The following SLC30A2 variants were observed in gnomAD, a reference collection of about 807,000 sequenced individuals.
SLC30A2 encodes proton-coupled zinc antiporter SLC30A2.
A neutral mutation model predicts 39.6 loss-of-function variants in SLC30A2; 19 were observed. That is an observed-to-expected ratio of 0.48 (90% CI 0.34 to 0.70). SLC30A2 has a LOEUF of 0.70. SLC30A2 is among the 30% of genes least tolerant of loss of function. The probability of loss-of-function intolerance (pLI) is 0.01; values close to 1 mark genes in which losing one functional copy is unlikely to be tolerated. For synonymous variants in SLC30A2, 195 were observed against 194.8 expected (o/e 1.00, Z -0.01); for missense variants, 387 against 479.4 (o/e 0.81, Z 1.80).
Position 26,046,017 on chromosome 1 carries a change from C to A in SLC30A2, c.-121G>T. 1 of 1,408,832 alleles carries A rather than the reference C, an allele frequency of 7.1e-7. No homozygotes were observed. Among genetic ancestry groups the A allele is most frequent in the South Asian group, 1.6e-5 (1 of 64,476 alleles). 87.3% of individuals were successfully genotyped at this position (1,408,832 alleles called of 1,614,324 possible). A position where few individuals can be genotyped will look rare whatever the true frequency, so the allele number is the denominator to read the frequency against. On this transcript the variant is annotated 5_prime_UTR_variant, in exon 1 of 8. Coordinates refer to ENST00000374276, the MANE Select transcript of SLC30A2 (RefSeq NM_001004434.3). This position sits in a 1 kb window ranked among gnomAD's most constrained non-coding sequence, Gnocchi z 4.4. ...CCCCGAGGGCCCCGCGAGGTGCGCT[C>A]ACTCCGGCCCGGCTCCTGCGGCCCC...
At position 26,045,910 on chromosome 1, in the gene SLC30A2, G is replaced by A. The variant is rs2050458850; in HGVS notation, c.-14C>T. 1 of 1,609,268 alleles carries A rather than the reference G, an allele frequency of 6.2e-7. No homozygotes were observed. The highest frequency in any genetic ancestry group is 8.5e-7 in the Non-Finnish European group (1 of 1,179,348). On this transcript the variant is annotated 5_prime_UTR_variant, in exon 1 of 8. Coordinates refer to ENST00000374276, the MANE Select transcript of SLC30A2 (RefSeq NM_001004434.3). ...CTTGGCCTCCATGCAGTCCCGCGCCGAGTCCCGGCAGCCGCGCAGCCGCCC... is the reference window on the plus strand; with the variant it reads ...CTTGGCCTCCATGCAGTCCCGCGCCAAGTCCCGGCAGCCGCGCAGCCGCCC...
Position 26,043,906 on chromosome 1 carries a change from C to T in SLC30A2, c.419-355G>A, listed in dbSNP as rs139419728. On this transcript the variant is annotated intron_variant, in intron 3 of 7. Coordinates refer to ENST00000374276, the MANE Select transcript of SLC30A2 (RefSeq NM_001004434.3). Reference sequence around the variant, plus strand: ...ACAAAGAGGAAGGTGACGATGCAGTCCAGGGTGAACGGAAGAGAGGTTAAA... The same window carrying T: ...ACAAAGAGGAAGGTGACGATGCAGTTCAGGGTGAACGGAAGAGAGGTTAAA... Among the ~76,000 whole-genome samples the T allele has an allele frequency of 1.6e-3, 239 of 152,336 alleles. 1 individual carries two copies. Among genetic ancestry groups the T allele is most frequent in the African/African-American group, 4.6e-3 (193 of 41,580 alleles).
Position 26,039,233 on chromosome 1 carries a change from G to T in SLC30A2, c.1046C>A (p.Thr349Asn). The part of the protein sequence containing the change: ...SRLQGKFHFH[T>N]VTIQIEDYSE... Reference sequence around the variant, plus strand: ...GTAGTCCTCGATCTGGATGGTCACGGTGTGGAAGTGGAACTTCCCTTGGAG... The same window carrying T: ...GTAGTCCTCGATCTGGATGGTCACGTTGTGGAAGTGGAACTTCCCTTGGAG... Residue 349 changes from threonine to asparagine, a missense_variant, in exon 8 of 8, where the codon ACC becomes AAC. Transcript: ENST00000374276. The surrounding 1 kb of genome is among the most constrained non-coding windows in gnomAD (Gnocchi z 4.3). 1.9e-6 allele frequency: 3 copies of T among 1,614,150 alleles called. No individual in the cohort carries two copies. The highest frequency in any genetic ancestry group is 2.5e-6 in the Non-Finnish European group (3 of 1,179,992).
In SLC30A2 at chr1:26,045,193, C is replaced by G. The variant is rs765048397; in HGVS notation, c.75G>C (p.Gln25His). The change falls in exon 2 of 8, where the codon CAG (glutamine) becomes CAC (histidine). Residue 25 changes from glutamine to histidine, a missense_variant. Coordinates refer to ENST00000374276, the MANE Select transcript of SLC30A2 (RefSeq NM_001004434.3). ...GCAGAGGAATCCAGCCAGCCCCTTC[C>G]TGCCACAGAGATCCCGTGTATGACC... ...AIRSYTGSLWQEGAGWIPLPR... is the reference protein window; with the variant it reads ...AIRSYTGSLWHEGAGWIPLPR... 8.7e-6 allele frequency: 14 copies of G among 1,612,188 alleles called. No individual in the cohort carries two copies. Among genetic ancestry groups the G allele is most frequent in the South Asian group, 2.2e-5 (2 of 91,018 alleles).
intron 2 of SLC30A2, 93 bp from the exon 3 acceptor site, chr1:26,044,537 A>G (rs2050437169): frequency 3.2e-6 from 4 of 1,251,260 alleles, no homozygotes; most frequent in South Asian, 1.4e-5. Flanking sequence ...GGAAGAGGAC[A>G]TTCTGGGCTC....
In SLC30A2 at chr1:26,039,935, A is replaced by C; in HGVS notation, c.839-24T>G. On this transcript the variant is annotated intron_variant, in intron 6 of 7. Coordinates refer to ENST00000374276, the MANE Select transcript of SLC30A2 (RefSeq NM_001004434.3). This position sits in a 1 kb window ranked among gnomAD's most constrained non-coding sequence, Gnocchi z 4.3. ...CCCTGAGGACGGCAAGGACAGGGGA[A>C]ACTAAAGGAAACTACCCCTCCCACG... The C allele has an allele frequency of 6.2e-7, 1 of 1,613,438 alleles. No individual in the cohort carries two copies. Among genetic ancestry groups the C allele is most frequent in the South Asian group, 1.1e-5 (1 of 91,036 alleles).
At chr1:26,042,509 C>T in intron 5 of SLC30A2, 40 bp downstream of exon 5, 1 of 1,584,346 alleles carries the variant, frequency 6.3e-7, no homozygotes, top group South Asian at 1.1e-5. Flanking sequence ...GTGGTCTACA[C>T]TCCCCTGCCA....
chr1:26,042,826 GC>G, intron 4 of SLC30A2, 118 bp from the exon 5 acceptor site: 1 of 936,424 alleles, frequency 1.1e-6, no homozygotes, highest in Non-Finnish European at 1.6e-6. Context: ...GATCTCTTTG[GC>G]CATGTGAGAA....
chr1:26,042,623 C>T lies in SLC30A2; in HGVS notation c.658G>A (p.Ala220Thr). 6.2e-7 allele frequency: 1 copy of T among 1,614,204 alleles called. No homozygotes were observed. The highest frequency in any genetic ancestry group is 8.5e-7 in the Non-Finnish European group (1 of 1,180,026). Residue 220 changes from alanine (A) to threonine (T), a missense_variant, in exon 5 of 8, where the codon GCC (alanine) becomes ACC (threonine). By Grantham distance (58) the Ala-to-Thr change is moderately conservative. Coordinates refer to ENST00000374276, the MANE Select transcript of SLC30A2 (RefSeq NM_001004434.3). The stretch of plus-strand genomic sequence containing the variant: ...AAGTCGCCGATCACATGGATGAAGG[C>T]AGCTCGGACGCTGGGGTTCTCCTCC... ...QQEENPSVRAAFIHVIGDFMQ... is the reference protein window; with the variant it reads ...QQEENPSVRATFIHVIGDFMQ...
Position 26,042,625 on chromosome 1 carries a change from G to C in SLC30A2, c.656C>G (p.Ala219Gly). The C allele has an allele frequency of 1.9e-6, 3 of 1,614,186 alleles. No individual in the cohort carries two copies. Among genetic ancestry groups the C allele is most frequent in the Non-Finnish European group, 2.5e-6 (3 of 1,180,018 alleles). Residue 219 changes from alanine to glycine, a missense_variant, in exon 5 of 8, where the codon GCT becomes GGT. Physicochemically the swap from Ala to Gly is moderately conservative, Grantham distance 60 (BLOSUM62 0). Coordinates refer to ENST00000374276, the MANE Select transcript of SLC30A2 (RefSeq NM_001004434.3). The stretch of plus-strand genomic sequence containing the variant: ...GTCGCCGATCACATGGATGAAGGCA[G>C]CTCGGACGCTGGGGTTCTCCTCCTG... ...NQQEENPSVR[A>G]AFIHVIGDFM...
chr1:26,045,108 G>A lies in SLC30A2; in HGVS notation c.160C>T (p.His54Tyr), dbSNP rs770139568. 1 of 1,614,158 alleles carries A rather than the reference G, an allele frequency of 6.2e-7. No individual in the cohort carries two copies. Among genetic ancestry groups the A allele is most frequent in the South Asian group, 1.1e-5 (1 of 91,084 alleles). The change falls in exon 2 of 8, where the codon CAT (histidine) becomes TAT (tyrosine). Residue 54 changes from histidine (H) to tyrosine (Y), a missense_variant. Transcript: ENST00000374276. ...ELAAQSNHHCHAQKGPDSHCD... is the reference protein window; with the variant it reads ...ELAAQSNHHCYAQKGPDSHCD... ...TGACTGTCAGGACCCTTCTGAGCATGGCAGTGATGGTTGCTCTGGGCAGCC... is the reference window on the plus strand; with the variant it reads ...TGACTGTCAGGACCCTTCTGAGCATAGCAGTGATGGTTGCTCTGGGCAGCC...
At chr1:26,040,924 C>G (rs986040999) in intron 6 of SLC30A2, among the ~76,000 whole-genome samples, 5 of 151,300 alleles carry the variant, frequency 3.3e-5, no homozygotes, top group South Asian at 2.1e-4. Context: ...AGACCCCCCC[C>G]CCATCTCTAC....
Position 26,039,974 on chromosome 1 carries a change from G to A in SLC30A2, c.839-63C>T. ...ACCCCTCCCACGCCTGCCCATTGGT[G>A]CAGGGCTGGCTCCTGATCCTCAGGT... On this transcript the variant is annotated intron_variant, in intron 6 of 7. Transcript: ENST00000374276. This position sits in a 1 kb window ranked among gnomAD's most constrained non-coding sequence, Gnocchi z 4.3. 6 of 1,588,780 alleles carry A rather than the reference G, an allele frequency of 3.8e-6. No individual in the cohort carries two copies. Among genetic ancestry groups the A allele is most frequent in the South Asian group, 1.1e-5 (1 of 89,862 alleles).
chr1:26,038,540 G>A lies in SLC30A2; in HGVS notation c.*620C>T, dbSNP rs2050363995. ...CTGTGCCAAAGTTGTTTTTTGTGTTGGCACAGCTGAGGAAATAAGGAAAGA... is the reference window on the plus strand; with the variant it reads ...CTGTGCCAAAGTTGTTTTTTGTGTTAGCACAGCTGAGGAAATAAGGAAAGA... On this transcript the variant is annotated 3_prime_UTR_variant, in exon 8 of 8. Transcript: ENST00000374276. The A allele has an allele frequency of 6.6e-6, 1 of 152,220 alleles. No homozygotes were observed. The highest frequency in any genetic ancestry group is 2.4e-5 in the African/African-American group (1 of 41,442). 9.4% of individuals were successfully genotyped at this position (152,220 alleles called of 1,614,324 possible).
Position 26,042,608 on chromosome 1 carries a change from T to C in SLC30A2, c.673A>G (p.Ile225Val). Residue 225 changes from isoleucine (I) to valine (V), a missense_variant, in exon 5 of 8, where the codon ATC becomes GTC. By Grantham distance (29) the Ile-to-Val change is conservative (BLOSUM62 3). Coordinates refer to ENST00000374276, the MANE Select transcript of SLC30A2 (RefSeq NM_001004434.3). ...CCCATGCTCTGCATAAAGTCGCCGA[T>C]CACATGGATGAAGGCAGCTCGGACG... ...PSVRAAFIHV[I>V]GDFMQSMGVL... 6.2e-7 allele frequency: 1 copy of C among 1,614,150 alleles called. No homozygotes were observed. The highest frequency in any genetic ancestry group is 8.5e-7 in the Non-Finnish European group (1 of 1,180,022).
intron 1 of SLC30A2, 106 bp from the exon 2 acceptor site, chr1:26,045,323 C>A (rs552163140): frequency 5.6e-6 from 5 of 892,202 alleles, no homozygotes; most frequent in Admixed American, 2.4e-5. Flanking sequence ...GGAAAAATAG[C>A]TAAGGACGCT....
chr1:26,044,829 G>A (rs996838050), intron 2 of SLC30A2, among the ~76,000 whole-genome samples, 168 bp downstream of exon 2: 8 of 152,198 alleles, frequency 5.3e-5, no homozygotes, highest in Non-Finnish European at 7.3e-5. Flanking sequence ...GGAGAATAAC[G>A]TCACCCATGT....
At chr1:26,045,284 C>T in intron 1 of SLC30A2, 67 bp from the exon 2 acceptor site, 2 of 1,340,552 alleles carry the variant, frequency 1.5e-6, no homozygotes, top group Non-Finnish European at 2.1e-6. Context: ...ACTCTAGTCC[C>T]ATTTCTCTGT....
chr1:26,044,256 C>G, intron 3 of SLC30A2, 42 bp downstream of exon 3: 1 of 1,607,792 alleles, frequency 6.2e-7, no homozygotes, highest in Non-Finnish European at 8.5e-7. Flanking sequence ...TCTAACCCAC[C>G]CTCTCTCTCA....
Sources: allele counts gnomAD v4.1 joint callset (sites outside exome capture counted in the v4.1 genomes callset), GRCh38; gene constraint gnomAD v4.1.1; non-coding constraint Gnocchi (gnomAD v3.1); transcripts MANE v1.5; gene names NCBI Gene and HGNC (gene_info 2026-07-23, HGNC 2026-07-21).